The following ELL variants were observed in gnomAD, a reference collection of about 807,000 sequenced individuals.
The protein encoded by ELL is elongation factor for RNA polymerase II, also known as RNA polymerase II elongation factor ELL.
In ELL, 18 loss-of-function variants were observed where a neutral mutation model predicts 64.0. The ratio of observed to expected loss-of-function variants is 0.28; its 90% CI spans 0.19 to 0.42. The LOEUF (loss-of-function observed/expected upper bound fraction) is 0.42, where lower values mean the gene tolerates loss of function less well. ELL is among the 10% of genes least tolerant of loss of function. The probability of loss-of-function intolerance (pLI) is 1.00; values close to 1 mark genes in which losing one functional copy is unlikely to be tolerated. For synonymous variants in ELL, 399 were observed against 376.2 expected, an observed-to-expected ratio of 1.06 and a Z score of -0.70; for missense variants, 797 against 870.4, an observed-to-expected ratio of 0.92 and a Z score of 1.06.
intron 1 of ELL, among the ~76,000 whole-genome samples, chr19:18,478,975 T>C (rs746324222): frequency 5.9e-5 from 9 of 152,062 alleles, no homozygotes; most frequent in Non-Finnish European, 1.2e-4. Flanking sequence ...GAGGAAAGGG[T>C]GAGGAGGAAC....
intron 8 of ELL, among the ~76,000 whole-genome samples, chr19:18,448,973 C>T (rs1974470758): frequency 1.3e-5 from 2 of 152,160 alleles, no homozygotes; most frequent in East Asian, 1.9e-4. Context: ...CAAGTACCAC[C>T]TTCAGGACTC....
Position 18,467,054 on chromosome 19 carries a change from T to C in ELL, c.184-1136A>G, listed in dbSNP as rs561644609. Among the ~76,000 whole-genome samples the C allele has an allele frequency of 1.2e-4, 19 of 152,300 alleles. No individual in the cohort carries two copies. The East Asian group carries it at 3.1e-3, about 25-fold the overall frequency. On this transcript the variant is annotated intron_variant, in intron 2 of 11. Coordinates refer to ENST00000262809, the MANE Select transcript of ELL (RefSeq NM_006532.4). ...GGAGCACCAATCCCCGGCCCTGCTG[T>C]GTGGCCTTGACTGGGACTTGTCCCC...
chr19:18,457,567 C>T (rs1262956872), intron 6 of ELL, among the ~76,000 whole-genome samples: 2 of 152,208 alleles, frequency 1.3e-5, no homozygotes, highest in Admixed American at 6.5e-5. Flanking sequence ...TAAATACCTC[C>T]GAGTCCCTGA....
intron 1 of ELL, among the ~76,000 whole-genome samples, chr19:18,506,423 G>A (rs1036159128): frequency 2.6e-5 from 4 of 152,268 alleles, no homozygotes; most frequent in African/African-American, 9.6e-5. Context: ...CTGGGGTGCA[G>A]CATCAGCCCA....
At chr19:18,490,526 G>A (rs753663731) in intron 1 of ELL, among the ~76,000 whole-genome samples, 2 of 152,212 alleles carry the variant, frequency 1.3e-5, no homozygotes, top group Non-Finnish European at 2.9e-5. Context: ...TAATCTGCAA[G>A]TTTCTTGGCC....
In ELL at chr19:18,443,967, G is replaced by A. The variant is rs1007652739; in HGVS notation, c.*785C>T. On this transcript the variant is annotated 3_prime_UTR_variant, in exon 12 of 12. Coordinates refer to ENST00000262809, the MANE Select transcript of ELL (RefSeq NM_006532.4). ...GCAAAGAAAAGTCTGACGCCGCTGC[G>A]GCCGAGTCTCAACTTGGAGCACAGA... 8 of 232,446 alleles carry A rather than the reference G, an allele frequency of 3.4e-5. No homozygotes were observed. The highest frequency in any genetic ancestry group is 6.0e-5 in the Non-Finnish European group (7 of 117,636). The allele number at this position is 232,446 out of a possible 1,614,324, so 14.4% of individuals were successfully genotyped here.
At position 18,450,543 on chromosome 19, in the gene ELL, G is replaced by A. The variant is rs759014608; in HGVS notation, c.1399C>T (p.Arg467Trp). 37 of 1,613,074 alleles carry A rather than the reference G, an allele frequency of 2.3e-5. No individual in the cohort carries two copies. Among genetic ancestry groups the A allele is most frequent in the Admixed American group, 5.0e-5 (3 of 60,002 alleles). ...DKERAAEDKP[R>W]AQLPDCAPAT... ...GGTGCACAGTCTGGAAGCTGGGCCC[G>A]GGGCTTGTCCTCAGCCGCCCTCTCC... The change falls in exon 8 of 12, where the codon CGG (arginine) becomes TGG (tryptophan). Residue 467 changes from arginine (R) to tryptophan (W), a missense_variant. Coordinates refer to ENST00000262809, the MANE Select transcript of ELL (RefSeq NM_006532.4).
intron 1 of ELL, among the ~76,000 whole-genome samples, chr19:18,515,832 G>A (rs1976116711): frequency 1.3e-5 from 2 of 152,168 alleles, no homozygotes; most frequent in South Asian, 4.1e-4. Flanking sequence ...AGGCAGTATG[G>A]GCCAGTGAGG....
intron 6 of ELL, among the ~76,000 whole-genome samples, 199 bp downstream of exon 6, chr19:18,458,006 C>G (rs569276149): frequency 4.2e-4 from 64 of 152,288 alleles, no homozygotes; most frequent in African/African-American, 1.5e-3. Context: ...TGAGCGTGGC[C>G]TTCCCCCACC....
chr19:18,486,280 C>CAGGAAGAG (rs1321988911), intron 1 of ELL, among the ~76,000 whole-genome samples: 1 of 152,178 alleles, frequency 6.6e-6, no homozygotes, highest in East Asian at 1.9e-4. Context: ...TCAACAGGGG[C>CAGGAAGAG]AGGAAGAGAG....
chr19:18,450,192 C>T (rs927929187), intron 8 of ELL, among the ~76,000 whole-genome samples: 10 of 152,228 alleles, frequency 6.6e-5, no homozygotes, highest in African/African-American at 2.2e-4. Flanking sequence ...GCCCCTTCTG[C>T]GGCCTCAGTT....
chr19:18,448,239 T>G (rs1974456755), intron 8 of ELL: 1 of 152,088 alleles, frequency 6.6e-6, no homozygotes, highest in Admixed American at 6.5e-5. Context: ...CTGGCCCTAG[T>G]GCACATTTTC....
intron 1 of ELL, among the ~76,000 whole-genome samples, chr19:18,518,654 G>A (rs928995899): frequency 6.6e-6 from 1 of 151,926 alleles, no homozygotes; most frequent in African/African-American, 2.4e-5. Context: ...AGCCAGGCAC[G>A]GTGATGCGTG....
At chr19:18,482,494 C>G (rs1022548991) in intron 1 of ELL, among the ~76,000 whole-genome samples, 1 of 151,586 alleles carries the variant, frequency 6.6e-6, no homozygotes, top group East Asian at 1.9e-4. Context: ...TACTACCACA[C>G]CCAGCTTATT....
chr19:18,517,917 AG>A (rs894130001), intron 1 of ELL, among the ~76,000 whole-genome samples: 2 of 150,598 alleles, frequency 1.3e-5, no homozygotes, highest in African/African-American at 4.9e-5. Flanking sequence ...GAGAAGAAGA[AG>A]AAAAGAAAAG....
intron 1 of ELL, among the ~76,000 whole-genome samples, chr19:18,508,586 C>G (rs886943553): frequency 6.6e-6 from 1 of 152,216 alleles, no homozygotes; most frequent in South Asian, 2.1e-4. Flanking sequence ...GCCCAAGGCC[C>G]GAGCCTGGCC....
At chr19:18,485,893 G>A (rs910409276) in intron 1 of ELL, among the ~76,000 whole-genome samples, 3 of 152,018 alleles carry the variant, frequency 2.0e-5, no homozygotes, top group Non-Finnish European at 4.4e-5. Context: ...GGCTGAGGCA[G>A]GAGAATTGCT....
intron 10 of ELL, 64 bp downstream of exon 10, chr19:18,446,245 C>T (rs899080021): frequency 1.3e-5 from 17 of 1,338,440 alleles, no homozygotes; most frequent in East Asian, 2.6e-5. Flanking sequence ...GGCGATGGTG[C>T]GCGCCCAAGT....
intron 1 of ELL, among the ~76,000 whole-genome samples, chr19:18,477,053 T>C (rs1975191041): frequency 6.6e-6 from 1 of 151,784 alleles, no homozygotes; most frequent in Admixed American, 6.6e-5. Flanking sequence ...CACAAAGACG[T>C]GGGAAGCACA....
Sources: gnomAD v4.1 joint callset for allele counts (sites outside exome capture counted in the v4.1 genomes callset) on GRCh38, gnomAD v4.1.1 for gene constraint, MANE v1.5 for transcripts, NCBI Gene and HGNC (gene_info 2026-07-23, HGNC 2026-07-21) for gene names.